ZNF738: variants seen among roughly 807,000 people sequenced by gnomAD.
ZNF738 encodes zinc finger protein 738.
Under a neutral mutation model 9.2 loss-of-function variants are expected in ZNF738, and 10 were observed. The observed-to-expected ratio is 1.09, with a 90% CI of 0.67 to 1.85. The LOEUF (loss-of-function observed/expected upper bound fraction) is 1.85, where lower values mean the gene tolerates loss of function less well. Among genes scored for constraint, ZNF738 ranks in the 40% most tolerant of loss-of-function variants. The probability of loss-of-function intolerance (pLI) is 0.00; values close to 1 mark genes in which losing one functional copy is unlikely to be tolerated. For missense variants in ZNF738, 346 were observed against 283.6 expected, an observed-to-expected ratio of 1.22 and a Z score of -1.58; for synonymous variants, 113 against 94.5, an observed-to-expected ratio of 1.20 and a Z score of -1.14.
rs773665726 is a variant in ZNF738 at position 21,385,078 on chromosome 19, C to T, written c.*1404C>T. On this transcript the variant is annotated 3_prime_UTR_variant, in exon 5 of 5. Transcript: ENST00000683779. Reference sequence around the variant, plus strand: ...AAAGATAAAAGAGTTTGACTGGGTGCGGTGGCTCATGCCTGTAATCCCAGC... The same window carrying T: ...AAAGATAAAAGAGTTTGACTGGGTGTGGTGGCTCATGCCTGTAATCCCAGC... Among the ~76,000 whole-genome samples, 16 of 152,070 alleles carry T rather than the reference C, an allele frequency of 1.1e-4. No individual in the cohort carries two copies. Among genetic ancestry groups the T allele is most frequent in the South Asian group, 2.1e-4 (1 of 4,824 alleles).
At position 21,385,866 on chromosome 19, in the gene ZNF738, T is replaced by A. The variant is rs1395903796; in HGVS notation, c.*2192T>A. ...AGAAATTCTACAAATGTGAAGAATG[T>A]GGCAAAGGCTTTAATTTGTCCTCAA... On this transcript the variant is annotated 3_prime_UTR_variant, in exon 5 of 5. Transcript: ENST00000683779. Among the ~76,000 whole-genome samples the A allele has an allele frequency of 6.6e-6, 1 of 152,150 alleles. No individual in the cohort carries two copies. Among genetic ancestry groups the A allele is most frequent in the African/African-American group, 2.4e-5 (1 of 41,428 alleles).
At chr19:21,364,205 A>AAAAAG (rs1973743252) in intron 2 of ZNF738, among the ~76,000 whole-genome samples, 1 of 151,440 alleles carries the variant, frequency 6.6e-6, no homozygotes, top group Admixed American at 6.6e-5. Flanking sequence ...TCAAAAAAAA[A>AAAAAG]AAAAGAATTC....
intron 1 of ZNF738, 78 bp downstream of exon 1, chr19:21,359,221 C>T: frequency 1.1e-6 from 1 of 923,814 alleles, no homozygotes; most frequent in Non-Finnish European, 1.8e-6. Flanking sequence ...TGGCGAGACT[C>T]AGGCCTCCCC....
Position 21,384,022 on chromosome 19 carries a change from TC to T in ZNF738, c.*349del. ...AAATGTGAAGAATGTGGCAAAGCTTTCTACCGATTCATTTACCTTACTACAC... is the reference window on the plus strand; with the variant it reads ...AAATGTGAAGAATGTGGCAAAGCTTTTACCGATTCATTTACCTTACTACAC... On this transcript the variant is annotated 3_prime_UTR_variant, in exon 5 of 5. Transcript: ENST00000683779. 6.5e-7 allele frequency: 1 copy of T among 1,526,810 alleles called. No homozygotes were observed. Among genetic ancestry groups the T allele is most frequent in the Non-Finnish European group, 9.1e-7 (1 of 1,104,886 alleles). The allele number at this position is 1,526,810 out of a possible 1,614,324, so 94.6% of individuals were successfully genotyped here.
Position 21,383,952 on chromosome 19 carries a change from T to G in ZNF738, c.*278T>G. On this transcript the variant is annotated 3_prime_UTR_variant, in exon 5 of 5. Coordinates refer to ENST00000683779, the MANE Select transcript of ZNF738 (RefSeq NM_001355237.2). ...TGGCAAAGCTTTTAACTGTTACTCC[T>G]ACCTTACTGCACATAAGTTGATTCA... 1 of 1,411,598 alleles carries G rather than the reference T, an allele frequency of 7.1e-7. No individual in the cohort carries two copies. 87.4% of individuals were successfully genotyped at this position (1,411,598 alleles called of 1,614,324 possible). A position where few individuals can be genotyped will look rare whatever the true frequency, so the allele number is the denominator to read the frequency against.
At chr19:21,359,225 C>A in intron 1 of ZNF738, 82 bp downstream of exon 1, 1 of 913,236 alleles carries the variant, frequency 1.1e-6, no homozygotes, top group Non-Finnish European at 1.8e-6. Context: ...GAGACTCAGG[C>A]CTCCCCGCAG....
At chr19:21,378,401 A>G (rs1377993654) in intron 4 of ZNF738, 1 of 178,754 alleles carries the variant, frequency 5.6e-6, no homozygotes, top group African/African-American at 2.4e-5. Flanking sequence ...TATGTAAGGA[A>G]GTACCAATAT....
intron 2 of ZNF738, among the ~76,000 whole-genome samples, chr19:21,373,241 A>G (rs569538190): frequency 5.3e-5 from 8 of 152,198 alleles, no homozygotes; most frequent in Non-Finnish European, 1.0e-4. Context: ...TACATGGCCA[A>G]TTTGCAGAAA....
chr19:21,379,787 A>G (rs2145240097), intron 4 of ZNF738, among the ~76,000 whole-genome samples: 1 of 152,224 alleles, frequency 6.6e-6, no homozygotes, highest in South Asian at 2.1e-4. Flanking sequence ...GTGGATCAAC[A>G]ATTATATTAT....
At chr19:21,375,111 T>TTTCAACACAGAA (rs1230904967) in intron 2 of ZNF738, 127 bp from the exon 3 acceptor site, 1 of 550,546 alleles carries the variant, frequency 1.8e-6, no homozygotes, top group Non-Finnish European at 3.2e-6. Context: ...TTGAAAATTG[T>TTTCAACACAGAA]TGGATGATTT....
At position 21,382,972 on chromosome 19, in the gene ZNF738, A is replaced by G; in HGVS notation, c.426A>G (p.Leu142=). ...ATGGAAATTATGGACATAAAGATTT[A>G]CAGTTAAGAAAAGGCTGTAAAAGTG... is the stretch of plus-strand genomic sequence containing the variant. ...REYGNYGHKD[L]QLRKGCKSVN... Residue 142 remains leucine (L), a synonymous_variant, in exon 5 of 5, where the codon TTA becomes TTG. Coordinates refer to ENST00000683779, the MANE Select transcript of ZNF738 (RefSeq NM_001355237.2). The G allele has an allele frequency of 1.5e-6, 1 of 665,934 alleles. No homozygotes were observed. Among genetic ancestry groups the G allele is most frequent in the Non-Finnish European group, 2.8e-6 (1 of 358,282 alleles). 41.3% of individuals were successfully genotyped at this position (665,934 alleles called of 1,614,324 possible). A position where few individuals can be genotyped will look rare whatever the true frequency, so the allele number is the denominator to read the frequency against.
In ZNF738 at chr19:21,367,212, T is replaced by C. The variant is rs144495227; in HGVS notation, c.96+5354T>C. Among the ~76,000 whole-genome samples the C allele has an allele frequency of 6.5e-3, 995 of 152,320 alleles. 11 individuals carry two copies. Among genetic ancestry groups the C allele is most frequent in the African/African-American group, 0.023 (949 of 41,566 alleles). ...TGTATGTGTTTCATCTTTCTACATCTTTTTTTGTCCTATACATTTCTTCTA... is the reference window on the plus strand; with the variant it reads ...TGTATGTGTTTCATCTTTCTACATCCTTTTTTGTCCTATACATTTCTTCTA... On this transcript the variant is annotated intron_variant, in intron 2 of 4. Coordinates refer to ENST00000683779, the MANE Select transcript of ZNF738 (RefSeq NM_001355237.2).
rs1974000527 is a variant in ZNF738, at chr19:21,381,298, G to T, written c.320-1568G>T. 8 of 1,587,752 alleles carry T rather than the reference G, an allele frequency of 5.0e-6. No homozygotes were observed. The East Asian group carries it at 1.8e-4, about 36-fold the overall frequency. On this transcript the variant is annotated intron_variant, in intron 4 of 4. Coordinates refer to ENST00000683779, the MANE Select transcript of ZNF738 (RefSeq NM_001355237.2). ...TGAACACAAACTCACTGGATAATTT[G>T]TCTTCAACATAGTCCATTTCCGCTC...
At chr19:21,377,836 T>C in intron 4 of ZNF738, 1 of 373,598 alleles carries the variant, frequency 2.7e-6, no homozygotes, top group Non-Finnish European at 4.7e-6. Context: ...ATTGAAAGTA[T>C]GTCTCTTGAT....
chr19:21,379,234 A>G (rs1362864977), intron 4 of ZNF738: 1 of 152,102 alleles, frequency 6.6e-6, no homozygotes, highest in African/African-American at 2.4e-5. Context: ...AAAAATTTAT[A>G]ATAATTTTGT....
Position 21,383,230 on chromosome 19 carries a change from A to C in ZNF738, c.684A>C (p.Arg228Ser), listed in dbSNP as rs774619302. The C allele has an allele frequency of 2.0e-4, 322 of 1,595,066 alleles. 1 individual carries two copies. Among genetic ancestry groups the C allele is most frequent in the Middle Eastern group, 1.0e-3 (6 of 6,026 alleles). The stretch of plus-strand genomic sequence containing the variant: ...GTCAACATAAAATAATTCATATTAG[A>C]GAGAATTCTTACCAATGTGAAGAAT... ...HLGQHKIIHI[R>S]ENSYQCEECG... Residue 228 changes from arginine (R) to serine (S), a missense_variant, in exon 5 of 5, where the codon AGA becomes AGC. Transcript: ENST00000683779.
chr19:21,361,419 C>T (rs570875726), intron 1 of ZNF738, among the ~76,000 whole-genome samples: 60 of 152,302 alleles, frequency 3.9e-4, no homozygotes, highest in African/African-American at 1.3e-3. Context: ...GGATTACAGG[C>T]GTGAGCCACC....
Position 21,375,211 on chromosome 19 carries a change from A to ATC in ZNF738, c.97-26_97-25insCT, listed in dbSNP as rs762215577. On this transcript the variant is annotated intron_variant, in intron 2 of 4. Coordinates refer to ENST00000683779, the MANE Select transcript of ZNF738 (RefSeq NM_001355237.2). ...AAATTCTGCCCGTGGACACTTGTAAATATGTGTGTGTGTGTGTGTTTTTCA... is the reference window on the plus strand; with the variant it reads ...AAATTCTGCCCGTGGACACTTGTAAATCTATGTGTGTGTGTGTGTGTTTTTCA... 12 of 816,424 alleles carry ATC rather than the reference A, an allele frequency of 1.5e-5. No homozygotes were observed. In the East Asian group the frequency reaches 3.4e-4, roughly 23 times the overall value. 50.6% of individuals were successfully genotyped at this position (816,424 alleles called of 1,614,324 possible).
At chr19:21,374,979 G>T (rs1386918024) in intron 2 of ZNF738, among the ~76,000 whole-genome samples, 2 of 152,090 alleles carry the variant, frequency 1.3e-5, no homozygotes, top group Non-Finnish European at 2.9e-5. Context: ...ACATGTTTGT[G>T]TTCATGCCTT....
Sources: gnomAD v4.1 joint callset for allele counts (sites outside exome capture counted in the v4.1 genomes callset) on GRCh38, gnomAD v4.1.1 for gene constraint, MANE v1.5 for transcripts, NCBI Gene and HGNC (gene_info 2026-07-23, HGNC 2026-07-21) for gene names.